FILIP1L: variants seen among roughly 807,000 people sequenced by gnomAD.
The protein encoded by FILIP1L is filamin A interacting protein 1 like, also known as filamin A-interacting protein 1-like.
Under a neutral mutation model 96.6 loss-of-function variants are expected in FILIP1L, and 55 were observed. The observed-to-expected ratio is 0.57, with a 90% CI of 0.46 to 0.71. FILIP1L has a LOEUF of 0.71. FILIP1L is among the 30% of genes least tolerant of loss of function. The pLI, the probability that FILIP1L is intolerant of heterozygous loss-of-function variation, is 0.00. For synonymous variants in FILIP1L, 467 were observed against 473.9 expected (o/e 0.99, Z 0.19); for missense variants, 1,304 against 1,321.2 (o/e 0.99, Z 0.20).
intron 1 of FILIP1L, among the ~76,000 whole-genome samples, chr3:100,067,650 T>G (rs1040495579): frequency 6.6e-6 from 1 of 152,202 alleles, no homozygotes. Context: ...TCTAGATGAT[T>G]CAATTTTCAG....
At chr3:100,027,669 A>C (rs1318547938) in intron 1 of FILIP1L, among the ~76,000 whole-genome samples, 1 of 152,150 alleles carries the variant, frequency 6.6e-6, no homozygotes, top group East Asian at 1.9e-4. Flanking sequence ...AATATGGAAA[A>C]TGTTGTGTGA....
intron 4 of FILIP1L, among the ~76,000 whole-genome samples, chr3:99,911,805 G>A (rs1224061180): frequency 6.6e-6 from 1 of 152,094 alleles, no homozygotes; most frequent in East Asian, 1.9e-4. Flanking sequence ...CTCAAAGACA[G>A]GATCCATGTC....
intron 1 of FILIP1L, among the ~76,000 whole-genome samples, chr3:100,032,045 A>G (rs1325493670): frequency 6.6e-6 from 1 of 152,158 alleles, no homozygotes; most frequent in Non-Finnish European, 1.5e-5. Flanking sequence ...ATGCTTTCAG[A>G]TTATATAAAG....
intron 1 of FILIP1L, among the ~76,000 whole-genome samples, chr3:99,968,685 A>G (rs1708726544): frequency 6.6e-6 from 1 of 152,232 alleles, no homozygotes; most frequent in Admixed American, 6.5e-5. Context: ...CAAGGAACCC[A>G]TGAGGGAGAC....
intron 1 of FILIP1L, among the ~76,000 whole-genome samples, chr3:100,101,989 A>G (rs1276003825): frequency 6.6e-6 from 1 of 152,088 alleles, no homozygotes; most frequent in African/African-American, 2.4e-5. Context: ...CATGGTGTAT[A>G]TGTGCCACAT....
intron 1 of FILIP1L, among the ~76,000 whole-genome samples, chr3:99,960,551 G>T (rs1442062194): frequency 1.3e-5 from 2 of 152,162 alleles, no homozygotes. Flanking sequence ...CTCACCTCCT[G>T]TAGGTCTTGC....
At chr3:99,961,376 G>T (rs1434064709) in intron 1 of FILIP1L, among the ~76,000 whole-genome samples, 1 of 152,120 alleles carries the variant, frequency 6.6e-6, no homozygotes, top group Admixed American at 6.5e-5. Context: ...ACCTTAAAAT[G>T]TAACCTTTGA....
At chr3:99,957,689 CTTTCTTTTTTTTTT>C (rs1439702512) in intron 1 of FILIP1L, among the ~76,000 whole-genome samples, 15 of 7,964 alleles carry the variant, frequency 1.9e-3, no homozygotes, top group Admixed American at 0.01. Context: ...TCTTTTCTTT[CTTTCTTTTTTTTTT>C]TTTTTTTTTT....
rs372255083 is a variant in FILIP1L at position 99,924,290 on chromosome 3, T to G, written c.545A>C (p.His182Pro). ...ATCACTCTTCTCCATGTATTCTTTA[T>G]GTTTTCTCTTTTCTTCCTCCAACTC... is the stretch of plus-strand genomic sequence containing the variant. ...ILELEEEKRK[H>P]KEYMEKSDEF... The change falls in exon 4 of 6, where the codon CAT becomes CCT. Residue 182 changes from histidine (H) to proline (P), a missense_variant. By Grantham distance (77) the His-to-Pro change is moderately conservative. Transcript: ENST00000477258. 3 of 1,614,164 alleles carry G rather than the reference T, an allele frequency of 1.9e-6. No individual in the cohort carries two copies.
intron 1 of FILIP1L, among the ~76,000 whole-genome samples, chr3:99,979,620 A>C (rs960908574): frequency 5.3e-5 from 8 of 152,254 alleles, no homozygotes; most frequent in Non-Finnish European, 1.2e-4. Context: ...GAATAAAATG[A>C]GACCTGTTAT....
chr3:100,075,068 T>A (rs188781030), intron 1 of FILIP1L, among the ~76,000 whole-genome samples: 1,994 of 152,238 alleles, frequency 0.013, 29 homozygotes, highest in Non-Finnish European at 0.02. Context: ...TATATTTTTT[T>A]AGGATATATT....
chr3:100,054,678 G>A (rs1163031026), intron 1 of FILIP1L, among the ~76,000 whole-genome samples: 6 of 152,058 alleles, frequency 3.9e-5, no homozygotes, highest in African/African-American at 1.4e-4. Context: ...GATCAAAGGA[G>A]GGCAGATCAC....
At chr3:99,961,197 A>T (rs1356012678) in intron 1 of FILIP1L, among the ~76,000 whole-genome samples, 1 of 152,142 alleles carries the variant, frequency 6.6e-6, no homozygotes, top group Non-Finnish European at 1.5e-5. Flanking sequence ...AGGATGAGGG[A>T]GGTGGTGCGG....
intron 1 of FILIP1L, among the ~76,000 whole-genome samples, chr3:99,949,469 CTG>C (rs1392114630): frequency 6.6e-6 from 1 of 152,194 alleles, no homozygotes; most frequent in Non-Finnish European, 1.5e-5. Context: ...GCATAACTGT[CTG>C]TGCTTCCACG....
At chr3:100,068,208 G>C (rs1242331493) in intron 1 of FILIP1L, among the ~76,000 whole-genome samples, 1 of 152,194 alleles carries the variant, frequency 6.6e-6, no homozygotes, top group African/African-American at 2.4e-5. Context: ...GTGATTCCTG[G>C]TATTGACAAA....
intron 1 of FILIP1L, among the ~76,000 whole-genome samples, chr3:100,111,954 C>G (rs1296451021): frequency 6.6e-6 from 1 of 152,172 alleles, no homozygotes; most frequent in Admixed American, 6.6e-5. Flanking sequence ...ACTCTCTGTG[C>G]AGATTCCTAC....
chr3:99,845,958 A>G (rs1943345187), intron 5 of FILIP1L, among the ~76,000 whole-genome samples: 1 of 152,244 alleles, frequency 6.6e-6, no homozygotes, highest in Admixed American at 6.5e-5. Context: ...AAAATCTGGA[A>G]CAAATGATTA....
At chr3:100,067,992 C>A (rs1184494280) in intron 1 of FILIP1L, among the ~76,000 whole-genome samples, 1 of 152,162 alleles carries the variant, frequency 6.6e-6, no homozygotes, top group Non-Finnish European at 1.5e-5. Flanking sequence ...CCTCCAAGAA[C>A]CCTCTTTTAA....
At chr3:100,054,480 A>ATGTTT (rs1553709674) in intron 1 of FILIP1L, among the ~76,000 whole-genome samples, 2 of 140,186 alleles carry the variant, frequency 1.4e-5, no homozygotes, top group African/African-American at 5.3e-5. Flanking sequence ...TCATTATATT[A>ATGTTT]TGTTATGTTT....
Sources: allele counts gnomAD v4.1 joint callset (sites outside exome capture counted in the v4.1 genomes callset), GRCh38; gene constraint gnomAD v4.1.1; transcripts MANE v1.5; gene names NCBI Gene and HGNC (gene_info 2026-07-23, HGNC 2026-07-21).